INTS13: variants seen among roughly 807,000 people sequenced by gnomAD.
The protein encoded by INTS13 is integrator complex subunit 13.
Under a neutral mutation model 90.2 loss-of-function variants are expected in INTS13, and 35 were observed. That is an observed-to-expected ratio of 0.39 (90% CI 0.30 to 0.51). The LOEUF is 0.51. Ranked by LOEUF, INTS13 falls within the 20% of genes least tolerant of loss-of-function variation. The probability of loss-of-function intolerance (pLI) is 0.80; values close to 1 mark genes in which losing one functional copy is unlikely to be tolerated. For missense variants in INTS13, 601 were observed against 851.2 expected, an observed-to-expected ratio of 0.71 and a Z score of 3.66; for synonymous variants, 309 against 277.1, an observed-to-expected ratio of 1.11 and a Z score of -1.14.
intron 3 of INTS13, among the ~76,000 whole-genome samples, chr12:26,932,087 C>CAA (rs34658630): frequency 1.8e-3 from 138 of 78,776 alleles, no homozygotes; most frequent in East Asian, 7.1e-3. Flanking sequence ...AACTCAGTCT[C>CAA]AAAAAAAAAA....
At chr12:26,928,348 C>G in intron 4 of INTS13, 63 bp from the exon 5 acceptor site, 1 of 1,265,492 alleles carries the variant, frequency 7.9e-7, no homozygotes, top group Middle Eastern at 1.9e-4. Context: ...AAATTCAAAA[C>G]ACTCTTCCGC....
rs1437788920 is a variant in INTS13 at position 26,936,748 on chromosome 12, T to C, written c.56A>G (p.Tyr19Cys). The C allele has an allele frequency of 1.9e-6, 3 of 1,614,024 alleles. No individual in the cohort carries two copies. The highest frequency in any genetic ancestry group is 3.3e-5 in the Admixed American group (2 of 60,002). ...ATGCTGCCTGCAAGATTCTGCCATA[T>C]AAGGGCAGTGATCCACAACAAACAC... is the stretch of plus-strand genomic sequence containing the variant. ...KTVFVVDHCPYMAESCRQHVE... is the reference protein window; with the variant it reads ...KTVFVVDHCPCMAESCRQHVE... Residue 19 changes from tyrosine (Y) to cysteine (C), a missense_variant, in exon 2 of 17, where the codon TAT becomes TGT. Around this residue, in one of 3 missense-constraint regions of INTS13, gnomAD observed 284 missense variants for 387.7 expected, o/e 0.73. Transcript: ENST00000261191.
At chr12:26,909,767 G>C (rs148991688) in intron 15 of INTS13, among the ~76,000 whole-genome samples, 2 of 152,318 alleles carry the variant, frequency 1.3e-5, no homozygotes, top group East Asian at 1.9e-4. Context: ...CCTCAAGGGT[G>C]ATCTCTGGCT....
At chr12:26,917,772 T>C in intron 8 of INTS13, 39 bp from the exon 9 acceptor site, 2 of 1,425,998 alleles carry the variant, frequency 1.4e-6, no homozygotes, top group Non-Finnish European at 2.0e-6. Context: ...ATTGTATACA[T>C]GTATCAAAAC....
At chr12:26,925,606 C>T (rs185679645) in intron 6 of INTS13, among the ~76,000 whole-genome samples, 155 bp downstream of exon 6, 136 of 152,168 alleles carry the variant, frequency 8.9e-4, no homozygotes, top group Non-Finnish European at 1.5e-3. Flanking sequence ...CCATAAAGAA[C>T]CAACCTAGAT....
At chr12:26,916,276 T>C in intron 10 of INTS13, 96 bp from the exon 11 acceptor site, 2 of 1,120,554 alleles carry the variant, frequency 1.8e-6, no homozygotes, top group Non-Finnish European at 1.2e-6. Context: ...ATTTTATTTA[T>C]TGATCCCCGT....
rs556962417 is a variant in INTS13, at chr12:26,905,191, C to T, written c.*306G>A. 89 of 239,780 alleles carry T rather than the reference C, an allele frequency of 3.7e-4. 1 individual carries two copies. Among genetic ancestry groups the T allele is most frequent in the African/African-American group, 1.9e-3 (83 of 44,266 alleles). The allele number at this position is 239,780 out of a possible 1,614,324, so 14.9% of individuals were successfully genotyped here. On this transcript the variant is annotated 3_prime_UTR_variant, in exon 17 of 17. Transcript: ENST00000261191. ...AGTAATTCTCCAATGTTTTGCATTT[C>T]AAATATTTTAATAGTTTTATTTCGC...
At chr12:26,913,936 A>G in intron 13 of INTS13, 38 bp downstream of exon 13, 3 of 1,555,038 alleles carry the variant, frequency 1.9e-6, no homozygotes. Flanking sequence ...GTATCAAGTA[A>G]ATGTGATCTA....
At chr12:26,932,581 C>T (rs965797442) in intron 3 of INTS13, among the ~76,000 whole-genome samples, 1 of 152,172 alleles carries the variant, frequency 6.6e-6, no homozygotes, top group Non-Finnish European at 1.5e-5. Context: ...ATCACTACTG[C>T]GCAATAGAAC....
At chr12:26,915,979 A>G (rs1303956774) in intron 11 of INTS13, 23 bp downstream of exon 11, 1 of 1,546,470 alleles carries the variant, frequency 6.5e-7, no homozygotes, top group African/African-American at 1.4e-5. Flanking sequence ...AAAACTTAAA[A>G]TTTATAGATA....
intron 5 of INTS13, 76 bp from the exon 6 acceptor site, chr12:26,925,927 C>A (rs1343087314): frequency 9.9e-7 from 1 of 1,005,948 alleles, no homozygotes; most frequent in Admixed American, 2.0e-5. Flanking sequence ...ACTACTAAAA[C>A]CTTAACATAT....
chr12:26,936,992 G>T (rs1010406003), intron 1 of INTS13, among the ~76,000 whole-genome samples, 178 bp from the exon 2 acceptor site: 2 of 152,048 alleles, frequency 1.3e-5, no homozygotes, highest in African/African-American at 4.8e-5. Flanking sequence ...GAAAGCAAGG[G>T]TATCAATACA....
rs1244589309 is a variant in INTS13 at position 26,905,212 on chromosome 12, T to A, written c.*285A>T. The stretch of plus-strand genomic sequence containing the variant: ...ATTTCAAATATTTTAATAGTTTTAT[T>A]TCGCAAAGAGAAGCCTAAGAATTTT... On this transcript the variant is annotated 3_prime_UTR_variant, in exon 17 of 17. Transcript: ENST00000261191. 3.5e-6 allele frequency: 1 copy of A among 286,530 alleles called. No individual in the cohort carries two copies. The highest frequency in any genetic ancestry group is 1.1e-3 in the Middle Eastern group (1 of 948). 17.7% of individuals were successfully genotyped at this position (286,530 alleles called of 1,614,324 possible).
chr12:26,905,361 G>A lies in INTS13; in HGVS notation c.*136C>T, dbSNP rs1951573073. The A allele has an allele frequency of 2.8e-6, 2 of 724,416 alleles. No individual in the cohort carries two copies. The highest frequency in any genetic ancestry group is 1.9e-5 in the African/African-American group (1 of 53,734). The allele number at this position is 724,416 out of a possible 1,614,324, so 44.9% of individuals were successfully genotyped here. On this transcript the variant is annotated 3_prime_UTR_variant, in exon 17 of 17. Transcript: ENST00000261191. ...CCAATTTTATAATTAGTACAAAAAT[G>A]ACAGCTGAAATATTTTAAAAATGTA...
intron 15 of INTS13, among the ~76,000 whole-genome samples, chr12:26,909,591 C>T (rs1951716410): frequency 6.6e-6 from 1 of 151,090 alleles, no homozygotes; most frequent in African/African-American, 2.4e-5. Flanking sequence ...GTTCTATTTA[C>T]CAAGCAATGC....
At chr12:26,928,957 A>G in intron 3 of INTS13, 52 bp from the exon 4 acceptor site, 1 of 1,508,256 alleles carries the variant, frequency 6.6e-7, no homozygotes, top group South Asian at 1.2e-5. Flanking sequence ...CAATTCAGAT[A>G]AAAATATCAC....
chr12:26,915,807 A>G (rs1951915459), intron 11 of INTS13, among the ~76,000 whole-genome samples, 195 bp downstream of exon 11: 1 of 152,208 alleles, frequency 6.6e-6, no homozygotes, highest in South Asian at 2.1e-4. Context: ...TATATACTGA[A>G]TATACAATAA....
intron 3 of INTS13, among the ~76,000 whole-genome samples, chr12:26,930,128 C>A (rs188555786): frequency 7.9e-5 from 12 of 152,192 alleles, no homozygotes; most frequent in African/African-American, 2.9e-4. Context: ...AACTTATACT[C>A]TGAAAACAAC....
chr12:26,919,849 G>T (rs750491405), intron 8 of INTS13, among the ~76,000 whole-genome samples: 12 of 152,124 alleles, frequency 7.9e-5, no homozygotes, highest in Non-Finnish European at 1.2e-4. Flanking sequence ...GAATTTAGGG[G>T]CCGGGCACGG....
Sources: allele counts gnomAD v4.1 joint callset (sites outside exome capture counted in the v4.1 genomes callset), GRCh38; gene constraint gnomAD v4.1.1; regional missense constraint gnomAD v4.1.1; transcripts MANE v1.5; gene names NCBI Gene and HGNC (gene_info 2026-07-23, HGNC 2026-07-21).